PTPRG: variants seen among roughly 807,000 people sequenced by gnomAD.
PTPRG encodes the protein receptor-type tyrosine-protein phosphatase gamma.
Under a neutral mutation model 165.3 loss-of-function variants are expected in PTPRG, and 102 were observed. The ratio of observed to expected loss-of-function variants is 0.62; its 90% CI spans 0.53 to 0.73. The LOEUF (loss-of-function observed/expected upper bound fraction) is 0.73, where lower values mean the gene tolerates loss of function less well. Ranked by LOEUF, PTPRG falls within the 30% of genes least tolerant of loss-of-function variation. The pLI is 0.00. For synonymous variants in PTPRG, 675 were observed against 669.5 expected (o/e 1.01, Z -0.13); for missense variants, 1,866 against 1,861.4 (o/e 1.00, Z -0.05).
In PTPRG at chr3:62,224,649, C is replaced by T. The variant is rs1215955317; in HGVS notation, c.2288+5666C>T. Among the ~76,000 whole-genome samples, 1 of 152,192 alleles carries T rather than the reference C, an allele frequency of 6.6e-6. No individual in the cohort carries two copies. Among genetic ancestry groups the T allele is most frequent in the Non-Finnish European group, 1.5e-5 (1 of 68,030 alleles). ...AGAACTTTGGAGACCAATCATTAGT[C>T]TGTACTTAAAATTTGGCTGAAACTA... On this transcript the variant is annotated intron_variant, in intron 13 of 29. Coordinates refer to ENST00000474889, the MANE Select transcript of PTPRG (RefSeq NM_002841.4). The surrounding 1 kb of genome is among the most constrained non-coding windows in gnomAD (Gnocchi z 4.9).
chr3:61,998,390 G>A (rs1030565518), intron 3 of PTPRG, among the ~76,000 whole-genome samples: 5 of 152,202 alleles, frequency 3.3e-5, no homozygotes, highest in African/African-American at 1.2e-4. Context: ...TCTATGATGT[G>A]TATGAATTGC....
chr3:61,899,730 G>A (rs569844699), intron 2 of PTPRG, among the ~76,000 whole-genome samples: 1 of 152,296 alleles, frequency 6.6e-6, no homozygotes, highest in South Asian at 2.1e-4. Context: ...AGGGGGACAG[G>A]CATCTGTATA....
chr3:61,676,455 T>TAAAAAAAA (rs1703224042), intron 1 of PTPRG, among the ~76,000 whole-genome samples: 1 of 1,432 alleles, frequency 7.0e-4, no homozygotes, highest in Non-Finnish European at 1.4e-3. Flanking sequence ...AGACTCCATC[T>TAAAAAAAA]CAAAAAAAAA....
chr3:61,724,750 C>T (rs900300435), intron 1 of PTPRG, among the ~76,000 whole-genome samples: 4 of 151,994 alleles, frequency 2.6e-5, no homozygotes, highest in Admixed American at 6.6e-5. Flanking sequence ...CTAATGATAC[C>T]GAATATCCTT....
intron 4 of PTPRG, among the ~76,000 whole-genome samples, chr3:62,074,178 A>T (rs1408973741): frequency 6.8e-4 from 44 of 65,010 alleles, no homozygotes; most frequent in Admixed American, 1.3e-3. Flanking sequence ...AAAAAAAGTG[A>T]GAGTGTGTGT....
chr3:61,638,591 G>GTTTTTTTTTTTTTTTT (rs34396141), intron 1 of PTPRG, among the ~76,000 whole-genome samples: 5 of 58,716 alleles, frequency 8.5e-5, no homozygotes, highest in African/African-American at 3.3e-4. Context: ...TGCCTGGCTA[G>GTTTTTTTTTTTTTTTT]TTTTTTTTTT....
chr3:62,104,340 GT>G (rs1407853097), intron 5 of PTPRG, among the ~76,000 whole-genome samples: 1 of 152,060 alleles, frequency 6.6e-6, no homozygotes, highest in African/African-American at 2.4e-5. Context: ...CTTTTGCTTT[GT>G]TTTGTCAGCC....
chr3:62,178,446 G>A (rs773380948), intron 8 of PTPRG, among the ~76,000 whole-genome samples: 4 of 152,200 alleles, frequency 2.6e-5, no homozygotes, highest in Admixed American at 2.6e-4. Flanking sequence ...AGGATGTCAT[G>A]CCAGTACTAC....
chr3:61,782,401 G>A (rs1375142950), intron 2 of PTPRG, among the ~76,000 whole-genome samples: 7 of 152,290 alleles, frequency 4.6e-5, no homozygotes, highest in East Asian at 1.9e-4. Flanking sequence ...CAATTTAGTC[G>A]TGTGTTAAAT....
chr3:61,618,363 G>A (rs1206367105), intron 1 of PTPRG, among the ~76,000 whole-genome samples: 1 of 152,140 alleles, frequency 6.6e-6, no homozygotes, highest in Non-Finnish European at 1.5e-5. Context: ...AGAGGGGGGT[G>A]TGTGTGCCTG....
chr3:61,600,184 A>ATGTGTGTG (rs1475629585), intron 1 of PTPRG, among the ~76,000 whole-genome samples: 47 of 97,436 alleles, frequency 4.8e-4, no homozygotes, highest in African/African-American at 1.6e-3. Context: ...ATATATATAT[A>ATGTGTGTG]TATATATATG....
At chr3:61,860,089 G>T (rs769493071) in intron 2 of PTPRG, among the ~76,000 whole-genome samples, 4 of 152,256 alleles carry the variant, frequency 2.6e-5, no homozygotes, top group Admixed American at 1.3e-4. Flanking sequence ...ATAAAATCAC[G>T]TGTGATTGCT....
At chr3:62,117,124 G>A (rs1702895366) in intron 5 of PTPRG, among the ~76,000 whole-genome samples, 1 of 152,084 alleles carries the variant, frequency 6.6e-6, no homozygotes, top group South Asian at 2.1e-4. Context: ...ATTAGAACCT[G>A]GTGACCCAAT....
intron 1 of PTPRG, among the ~76,000 whole-genome samples, chr3:61,583,543 ATC>A (rs1328638273): frequency 6.6e-6 from 1 of 152,122 alleles, no homozygotes; most frequent in Non-Finnish European, 1.5e-5. Context: ...CCTGCCTAGC[ATC>A]TCTTTTAACA....
intron 1 of PTPRG, among the ~76,000 whole-genome samples, chr3:61,581,824 G>T: frequency 6.6e-6 from 1 of 151,896 alleles, no homozygotes; most frequent in East Asian, 1.9e-4. Flanking sequence ...TGGCCAGGCT[G>T]GTCTCGAACT....
Position 61,571,877 on chromosome 3 carries a change from A to C in PTPRG, c.85+9505A>C, listed in dbSNP as rs766515106. Reference sequence around the variant, plus strand: ...CATTTTTCCTCTGGAGTTTGGAACTAGCCATGGGAGCCAGCCAAACCAGCT... The same window carrying C: ...CATTTTTCCTCTGGAGTTTGGAACTCGCCATGGGAGCCAGCCAAACCAGCT... On this transcript the variant is annotated intron_variant, in intron 1 of 29. Coordinates refer to ENST00000474889, the MANE Select transcript of PTPRG (RefSeq NM_002841.4). 1.3e-3 allele frequency among the ~76,000 whole-genome samples: 197 copies of C among 152,326 alleles called. 1 individual carries two copies. Among genetic ancestry groups the C allele is most frequent in the Admixed American group, 3.5e-3 (54 of 15,304 alleles).
At chr3:61,996,031 TG>T (rs2041033212) in intron 3 of PTPRG, among the ~76,000 whole-genome samples, 1 of 152,172 alleles carries the variant, frequency 6.6e-6, no homozygotes, top group South Asian at 2.1e-4. Flanking sequence ...TTTCACTCCT[TG>T]CTCCTAGCAT....
At chr3:61,877,677 G>C (rs935608963) in intron 2 of PTPRG, among the ~76,000 whole-genome samples, 1 of 152,238 alleles carries the variant, frequency 6.6e-6, no homozygotes, top group South Asian at 2.1e-4. Context: ...GCATGCAGAA[G>C]CTTATGATGC....
chr3:61,610,374 C>A (rs1701131799), intron 1 of PTPRG, among the ~76,000 whole-genome samples: 1 of 152,150 alleles, frequency 6.6e-6, no homozygotes, highest in South Asian at 2.1e-4. Flanking sequence ...AGACCCAAAT[C>A]ATTTGGTAGA....
Sources: allele counts gnomAD v4.1 joint callset (sites outside exome capture counted in the v4.1 genomes callset), GRCh38; gene constraint gnomAD v4.1.1; non-coding constraint Gnocchi (gnomAD v3.1); transcripts MANE v1.5; gene names NCBI Gene and HGNC (gene_info 2026-07-23, HGNC 2026-07-21).